Variants in TOX4 observed in about 807,000 individuals in gnomAD.
TOX4 encodes TOX high mobility group box family member 4.
A neutral mutation model predicts 61.0 loss-of-function variants in TOX4; 12 were observed. The ratio of observed to expected loss-of-function variants is 0.20; its 90% CI spans 0.13 to 0.32. TOX4 has a LOEUF of 0.32. TOX4 is among the 10% of genes least tolerant of loss of function. The probability of loss-of-function intolerance (pLI) is 1.00; values close to 1 mark genes in which losing one functional copy is unlikely to be tolerated. For missense variants in TOX4, 499 were observed against 753.3 expected (o/e 0.66, Z 3.95); for synonymous variants, 268 against 274.8 (o/e 0.98, Z 0.24).
In TOX4 at chr14:21,488,660, A is replaced by C; in HGVS notation, c.389A>C (p.Asp130Ala). Residue 130 changes from aspartate (D) to alanine (A), a missense_variant, in exon 4 of 9, where the codon GAC becomes GCC. Transcript: ENST00000448790. ...PPVTIDVPMT[D>A]MTSGLMGHSQ... is the part of the protein sequence containing the mutation. Reference sequence around the variant, plus strand: ...GTTACAATTGATGTACCAATGACAGACATGACATCTGGCTTGATGGGGCAT... The same window carrying C: ...GTTACAATTGATGTACCAATGACAGCCATGACATCTGGCTTGATGGGGCAT... 6.2e-7 allele frequency: 1 copy of C among 1,614,214 alleles called. No homozygotes were observed. Among genetic ancestry groups the C allele is most frequent in the Non-Finnish European group, 8.5e-7 (1 of 1,180,028 alleles).
At chr14:21,479,474 C>G (rs12889546) in intron 2 of TOX4, among the ~76,000 whole-genome samples, 76,127 of 151,408 alleles carry the variant, frequency 0.5, 19,295 homozygotes, top group East Asian at 0.63. Flanking sequence ...CATGTGAAAC[C>G]CCATCTCTAC....
intron 2 of TOX4, 25 bp downstream of exon 2, chr14:21,477,589 G>C (rs751658460): frequency 1.4e-5 from 23 of 1,612,414 alleles, no homozygotes; most frequent in Non-Finnish European, 7.6e-6. Flanking sequence ...CCGACGCCGC[G>C]GGGGTAGGGC....
At chr14:21,477,588 CG>C (rs756089874) in intron 2 of TOX4, 24 bp downstream of exon 2, 3 of 1,612,410 alleles carry the variant, frequency 1.9e-6, no homozygotes. Flanking sequence ...GCCGACGCCG[CG>C]GGGGTAGGGC....
At chr14:21,480,737 C>G (rs1244076693) in intron 2 of TOX4, among the ~76,000 whole-genome samples, 1 of 152,164 alleles carries the variant, frequency 6.6e-6, no homozygotes, top group African/African-American at 2.4e-5. Context: ...ATACATATAT[C>G]TAACTCATAT....
At chr14:21,494,271 G>A (rs909509536) in intron 7 of TOX4, among the ~76,000 whole-genome samples, 2 of 152,178 alleles carry the variant, frequency 1.3e-5, no homozygotes, top group Non-Finnish European at 2.9e-5. Flanking sequence ...GGGGGTATAG[G>A]CAGAAAAATT....
chr14:21,489,076 T>A (rs530263632), intron 4 of TOX4, 97 bp from the exon 5 acceptor site: 1 of 1,357,822 alleles, frequency 7.4e-7, no homozygotes, highest in South Asian at 1.4e-5. Flanking sequence ...TTTCTATGAT[T>A]TTTAGCATTT....
At chr14:21,487,205 G>C (rs1243592588) in intron 2 of TOX4, among the ~76,000 whole-genome samples, 2 of 152,196 alleles carry the variant, frequency 1.3e-5, no homozygotes, top group African/African-American at 2.4e-5. Context: ...GACGGTAATG[G>C]TAGAAAAGAG....
In TOX4 at chr14:21,495,214, T is replaced by C. The variant is rs1203746463; in HGVS notation, c.1642-15T>C. On this transcript the variant is annotated splice_polypyrimidine_tract_variant and intron_variant, in intron 7 of 8. Transcript: ENST00000448790. ...AGCAATCTAATCCACCTTGGTACTC[T>C]TCTTCTTCTCACAGGTTGAGTCTCC... The C allele has an allele frequency of 3.7e-6, 6 of 1,612,450 alleles. No individual in the cohort carries two copies. The highest frequency in any genetic ancestry group is 1.7e-5 in the Admixed American group (1 of 59,914).
intron 2 of TOX4, among the ~76,000 whole-genome samples, chr14:21,483,512 A>T (rs66771279): frequency 0.22 from 32,782 of 151,604 alleles, 4,290 homozygotes; most frequent in Middle Eastern, 0.33. Context: ...GAACTTCCAC[A>T]CAATAACAAA....
intron 2 of TOX4, among the ~76,000 whole-genome samples, chr14:21,486,467 T>TG (rs1891191398): frequency 5.2e-5 from 2 of 38,522 alleles, no homozygotes; most frequent in African/African-American, 1.0e-4. Context: ...ATCTCACTTA[T>TG]CCTCATAATA....
chr14:21,495,440 A>G (rs1308357062), intron 8 of TOX4, 48 bp downstream of exon 8: 2 of 1,570,850 alleles, frequency 1.3e-6, no homozygotes, highest in Non-Finnish European at 1.7e-6. Context: ...GGTCAATTCT[A>G]CTGGGAAACA....
intron 7 of TOX4, 113 bp from the exon 8 acceptor site, chr14:21,495,116 T>C (rs1891373276): frequency 1.7e-6 from 2 of 1,211,456 alleles, no homozygotes; most frequent in East Asian, 4.8e-5. Context: ...TGCCCCCCAG[T>C]GTGAGGAATT....
chr14:21,490,540 A>G (rs1317199437), intron 5 of TOX4, among the ~76,000 whole-genome samples: 2 of 152,090 alleles, frequency 1.3e-5, no homozygotes, highest in Non-Finnish European at 2.9e-5. Context: ...AATAGCTACC[A>G]TTTCCCGCTT....
rs1891315697 is a variant in TOX4, at chr14:21,492,637, A to G, written c.1021A>G (p.Ile341Val). The change falls in exon 7 of 9, where the codon ATT (isoleucine) becomes GTT (valine). Residue 341 changes from isoleucine to valine, a missense_variant. Physicochemically the swap from Ile to Val is conservative, Grantham distance 29. Around this residue, in one of 7 missense-constraint regions of TOX4, gnomAD observed 296 missense variants for 404.7 expected, o/e 0.73. Transcript: ENST00000448790. ...SIEPPALSPS[I>V]VVNSTLSSYV... ...AGAGCCCCCTGCCCTGTCCCCATCC[A>G]TTGTTGTTAACTCCACCCTTTCATC... 1 of 1,613,524 alleles carries G rather than the reference A, an allele frequency of 6.2e-7. No individual in the cohort carries two copies. Among genetic ancestry groups the G allele is most frequent in the African/African-American group, 1.3e-5 (1 of 74,846 alleles).
At chr14:21,491,888 A>G (rs1442314472) in intron 5 of TOX4, among the ~76,000 whole-genome samples, 3 of 151,578 alleles carry the variant, frequency 2.0e-5, no homozygotes, top group Admixed American at 6.6e-5. Context: ...GCGGGTGCCT[A>G]TAGTCCCAGC....
chr14:21,496,421 G>T (rs1387281683), intron 8 of TOX4, 125 bp from the exon 9 acceptor site: 3 of 758,984 alleles, frequency 4.0e-6, no homozygotes, highest in Admixed American at 5.3e-5. Context: ...CAGCTACTCG[G>T]GAGGCTAAGG....
At chr14:21,488,420 T>G (rs2139624280) in intron 3 of TOX4, 170 bp from the exon 4 acceptor site, 1 of 724,460 alleles carries the variant, frequency 1.4e-6, no homozygotes, top group African/African-American at 1.8e-5. Context: ...ATTTCTGTAC[T>G]TTTTTAAAAA....
At position 21,496,565 on chromosome 14, in the gene TOX4, G is replaced by A. The variant is rs748631889; in HGVS notation, c.1825G>A (p.Val609Ile). The A allele has an allele frequency of 3.7e-6, 6 of 1,612,700 alleles. No individual in the cohort carries two copies. The highest frequency in any genetic ancestry group is 1.7e-5 in the Admixed American group (1 of 59,996). The part of the protein sequence containing the change: ...KHCRDVFLAW[V>I]ASRNSNTVVF... ...TCTTAGGGATGTATTCTTGGCCTGG[G>A]TAGCCTCTAGAAATTCAAACACAGT... The change falls in exon 9 of 9, where the codon GTA becomes ATA. Residue 609 changes from valine to isoleucine, a missense_variant. By Grantham distance (29) the Val-to-Ile change is conservative. Coordinates refer to ENST00000448790, the MANE Select transcript of TOX4 (RefSeq NM_014828.4).
chr14:21,483,960 A>G (rs1474312683), intron 2 of TOX4, among the ~76,000 whole-genome samples: 1 of 151,940 alleles, frequency 6.6e-6, no homozygotes, highest in African/African-American at 2.4e-5. Flanking sequence ...GACGCACACC[A>G]CCACACCCAG....
Sources: allele counts gnomAD v4.1 joint callset (sites outside exome capture counted in the v4.1 genomes callset), GRCh38; gene constraint gnomAD v4.1.1; regional missense constraint gnomAD v4.1.1; transcripts MANE v1.5; gene names NCBI Gene and HGNC (gene_info 2026-07-23, HGNC 2026-07-21).